PTPN5: variants seen among roughly 807,000 people sequenced by gnomAD.
PTPN5 encodes protein tyrosine phosphatase non-receptor type 5.
In PTPN5, 29 loss-of-function variants were observed where a neutral mutation model predicts 73.9. The ratio of observed to expected loss-of-function variants is 0.39; its 90% confidence interval spans 0.29 to 0.54. The LOEUF (loss-of-function observed/expected upper bound fraction) is 0.54. Ranked by LOEUF, PTPN5 falls within the 20% of genes least tolerant of loss-of-function variation. The pLI, the probability that PTPN5 is intolerant of heterozygous loss-of-function variation, is 0.65. For missense variants in PTPN5, 652 were observed against 751.4 expected, an observed-to-expected ratio of 0.87 and a Z score of 1.55; for synonymous variants, 267 against 304.7, an observed-to-expected ratio of 0.88 and a Z score of 1.29.
At chr11:18,735,768 C>CCAA (rs1849085661) in intron 9 of PTPN5, among the ~76,000 whole-genome samples, 1 of 148,338 alleles carries the variant, frequency 6.7e-6, no homozygotes, top group Non-Finnish European at 1.5e-5. Flanking sequence ...CTGTCTCCCC[C>CCAA]AAAAAAAAAA....
At chr11:18,765,322 C>T (rs1037214962) in intron 3 of PTPN5, among the ~76,000 whole-genome samples, 1 of 152,102 alleles carries the variant, frequency 6.6e-6, no homozygotes, top group Non-Finnish European at 1.5e-5. Context: ...GCTGCAATGG[C>T]TTGGCTCCCT....
chr11:18,735,076 A>G (rs1229201873), intron 9 of PTPN5, among the ~76,000 whole-genome samples: 1 of 152,230 alleles, frequency 6.6e-6, no homozygotes. Context: ...AACTTTAACA[A>G]CTAGAGTCCT....
At chr11:18,780,275 A>G (rs1209151126) in intron 1 of PTPN5, among the ~76,000 whole-genome samples, 7 of 152,182 alleles carry the variant, frequency 4.6e-5, no homozygotes, top group Non-Finnish European at 1.0e-4. Flanking sequence ...AGTCAGACCC[A>G]GAGCCCTAGG....
At chr11:18,767,409 C>T (rs1053347328) in intron 2 of PTPN5, among the ~76,000 whole-genome samples, 1 of 152,220 alleles carries the variant, frequency 6.6e-6, no homozygotes, top group Non-Finnish European at 1.5e-5. Context: ...TCACTTCCTT[C>T]AAGGTAACTT....
At chr11:18,765,762 C>T (rs1257504250) in intron 3 of PTPN5, 45 bp downstream of exon 3, 1 of 1,354,360 alleles carries the variant, frequency 7.4e-7, no homozygotes, top group Admixed American at 2.0e-5. Flanking sequence ...GGCATTGTCT[C>T]TCCATTCTGA....
At chr11:18,752,653 T>C (rs1250704626) in intron 3 of PTPN5, among the ~76,000 whole-genome samples, 1 of 152,276 alleles carries the variant, frequency 6.6e-6, no homozygotes, top group Non-Finnish European at 1.5e-5. Flanking sequence ...CAAACAGCTT[T>C]GTTGCTGCAA....
At position 18,733,641 on chromosome 11, in the gene PTPN5, G is replaced by A. The variant is rs749179842; in HGVS notation, c.1001-6C>T. On this transcript the variant is annotated splice_region_variant and splice_polypyrimidine_tract_variant and intron_variant, in intron 9 of 14. Coordinates refer to ENST00000358540, the MANE Select transcript of PTPN5 (RefSeq NM_006906.2). The surrounding 1 kb of genome is among the most constrained non-coding windows in gnomAD (Gnocchi z 4.3). ...ACACACTCTGCTGTGAGGGTCTGGG[G>A]TGGTGGGAGACAAGTAAGGCTGGAA... is the stretch of plus-strand genomic sequence containing the variant. 1.2e-6 allele frequency: 2 copies of A among 1,614,178 alleles called. No homozygotes were observed. The highest frequency in any genetic ancestry group is 1.7e-5 in the Admixed American group (1 of 60,032).
At chr11:18,746,821 T>C (rs562564834) in intron 3 of PTPN5, among the ~76,000 whole-genome samples, 1 of 152,192 alleles carries the variant, frequency 6.6e-6, no homozygotes, top group East Asian at 1.9e-4. Flanking sequence ...AAAAGAAGGA[T>C]CACGTGGGAA....
In PTPN5 at chr11:18,771,221, TACC is replaced by T. The variant is rs565688947; in HGVS notation, c.20+715_20+717del. ...CCCCTCACTGTCAACGTGGAGCTCCTACCACCCTCTTAAAGCTCCAACCCCACC... is the reference window on the plus strand; with the variant it reads ...CCCCTCACTGTCAACGTGGAGCTCCTACCCTCTTAAAGCTCCAACCCCACC... On this transcript the variant is annotated intron_variant, in intron 2 of 14. Transcript: ENST00000358540. Among the ~76,000 whole-genome samples the T allele has an allele frequency of 2.9e-3, 449 of 152,236 alleles. 2 individuals are homozygous for T. Among genetic ancestry groups the T allele is most frequent in the Non-Finnish European group, 5.1e-3 (348 of 67,996 alleles).
At chr11:18,748,559 A>G (rs566944578) in intron 3 of PTPN5, among the ~76,000 whole-genome samples, 3 of 151,978 alleles carry the variant, frequency 2.0e-5, no homozygotes, top group Non-Finnish European at 2.9e-5. Context: ...ATCCAGCAAG[A>G]TATGTTTCAA....
intron 1 of PTPN5, among the ~76,000 whole-genome samples, chr11:18,788,913 G>A (rs867865104): frequency 1.3e-5 from 2 of 152,210 alleles, no homozygotes; most frequent in Admixed American, 6.5e-5. Context: ...ACAGAGTATA[G>A]GAAGAGCTTT....
intron 1 of PTPN5, among the ~76,000 whole-genome samples, chr11:18,776,129 C>T (rs1386597742): frequency 6.6e-6 from 1 of 152,210 alleles, no homozygotes; most frequent in African/African-American, 2.4e-5. Flanking sequence ...CTCCCTGCAC[C>T]TGCCCCCAGG....
At chr11:18,776,546 C>T (rs1292453184) in intron 1 of PTPN5, among the ~76,000 whole-genome samples, 1 of 152,064 alleles carries the variant, frequency 6.6e-6, no homozygotes, top group Non-Finnish European at 1.5e-5. Flanking sequence ...TGCTGGATGT[C>T]GTGCCAAGCA....
At chr11:18,774,857 T>A (rs1485364835) in intron 1 of PTPN5, among the ~76,000 whole-genome samples, 1 of 152,070 alleles carries the variant, frequency 6.6e-6, no homozygotes, top group East Asian at 1.9e-4. Context: ...TTGGTGAGGA[T>A]GGAAGGGAAC....
intron 1 of PTPN5, among the ~76,000 whole-genome samples, chr11:18,777,034 G>A (rs551710592): frequency 1.3e-5 from 2 of 152,242 alleles, no homozygotes; most frequent in East Asian, 1.9e-4. Flanking sequence ...GGTGGCGGGC[G>A]CCTGTAATCC....
At chr11:18,744,640 T>C (rs890493660) in intron 3 of PTPN5, among the ~76,000 whole-genome samples, 4 of 151,902 alleles carry the variant, frequency 2.6e-5, no homozygotes. Flanking sequence ...ATGTGGGCCA[T>C]GCCCTAACTG....
At chr11:18,781,333 T>TTTTTTTTTTTG (rs1851419978) in intron 1 of PTPN5, among the ~76,000 whole-genome samples, 1 of 148,024 alleles carries the variant, frequency 6.8e-6, no homozygotes, top group African/African-American at 2.5e-5. Context: ...CTTTTTTTTT[T>TTTTTTTTTTTG]TTTTGAGATG....
intron 1 of PTPN5, among the ~76,000 whole-genome samples, chr11:18,791,260 C>T (rs1294785556): frequency 2.0e-5 from 3 of 152,240 alleles, no homozygotes; most frequent in African/African-American, 4.8e-5. Context: ...CCCGATTCCT[C>T]CCCGGAACCG....
chr11:18,788,637 GGA>G (rs2134380017), intron 1 of PTPN5, among the ~76,000 whole-genome samples: 1 of 152,318 alleles, frequency 6.6e-6, no homozygotes, highest in Admixed American at 6.5e-5. Context: ...TGACCTGTGA[GGA>G]GAATAAAAGT....
Sources: allele counts gnomAD v4.1 joint callset (sites outside exome capture counted in the v4.1 genomes callset), GRCh38; gene constraint gnomAD v4.1.1; non-coding constraint Gnocchi (gnomAD v3.1); transcripts MANE v1.5; gene names NCBI Gene and HGNC (gene_info 2026-07-23, HGNC 2026-07-21).